The following ORC2 variants were observed in gnomAD, a reference collection of about 807,000 sequenced individuals.
The protein encoded by ORC2 is origin recognition complex subunit 2.
ORC2 carries 37 observed loss-of-function variants against 77.7 expected under a neutral mutation model. The ratio of observed to expected loss-of-function variants is 0.48; its 90% confidence interval spans 0.37 to 0.63. ORC2 has a LOEUF of 0.63. ORC2 is among the 20% of genes least tolerant of loss of function. The pLI is 0.00. For synonymous variants in ORC2, 201 were observed against 229.5 expected (o/e 0.88, Z 1.12); for missense variants, 557 against 661.9 (o/e 0.84, Z 1.74).
Position 200,921,098 on chromosome 2 carries a change from T to G in ORC2, c.1189A>C (p.Ser397Arg), listed in dbSNP as rs2040750759. 1 of 1,607,608 alleles carries G rather than the reference T, an allele frequency of 6.2e-7. No individual in the cohort carries two copies. Among genetic ancestry groups the G allele is most frequent in the South Asian group, 1.1e-5 (1 of 90,088 alleles). Residue 397 changes from serine (S) to arginine (R), a missense_variant, in exon 14 of 18, where the codon AGC becomes CGC. By Grantham distance (110) the Ser-to-Arg change is moderately radical (BLOSUM62 -1). Coordinates refer to ENST00000234296, the MANE Select transcript of ORC2 (RefSeq NM_006190.5). ...ELFLLIHNLD[S>R]QMLRGEKSQQ... Reference sequence around the variant, plus strand: ...CTCTTCTCTCCTCTCAACATCTGGCTATCCAAATTGTGGATGAGAAGGAAG... The same window carrying G: ...CTCTTCTCTCCTCTCAACATCTGGCGATCCAAATTGTGGATGAGAAGGAAG...
chr2:200,919,384 G>C (rs2040717373), intron 15 of ORC2, among the ~76,000 whole-genome samples: 1 of 152,080 alleles, frequency 6.6e-6, no homozygotes, highest in Admixed American at 6.6e-5. Context: ...TTTTGAGACA[G>C]AGATTGCTCT....
intron 5 of ORC2, among the ~76,000 whole-genome samples, chr2:200,947,063 C>T (rs1033887285): frequency 7.2e-5 from 11 of 152,086 alleles, no homozygotes; most frequent in Admixed American, 6.5e-4. Flanking sequence ...CCACCACACC[C>T]AGCTAATTTT....
intron 15 of ORC2, among the ~76,000 whole-genome samples, chr2:200,919,661 T>A (rs929418683): frequency 6.6e-6 from 1 of 152,244 alleles, no homozygotes; most frequent in Non-Finnish European, 1.5e-5. Context: ...GTCCGGCTAA[T>A]TATGCAATTT....
intron 14 of ORC2, 91 bp from the exon 15 acceptor site, chr2:200,920,484 T>G (rs569552569): frequency 1.9e-6 from 2 of 1,062,564 alleles, no homozygotes; most frequent in African/African-American, 3.2e-5. Flanking sequence ...GAGAAAGGAT[T>G]AAATAAAAAT....
rs775261860 is a variant in ORC2 at position 200,921,082 on chromosome 2, C to A, written c.1205G>T (p.Gly402Val). The part of the protein sequence containing the change: ...IHNLDSQMLR[G>V]EKSQQIIGQL... The stretch of plus-strand genomic sequence containing the variant: ...ACCAATGATTTGCTGGCTCTTCTCT[C>A]CTCTCAACATCTGGCTATCCAAATT... The change falls in exon 14 of 18, where the codon GGA becomes GTA. Residue 402 changes from glycine to valine, a missense_variant. Transcript: ENST00000234296. The A allele has an allele frequency of 1.1e-5, 17 of 1,609,684 alleles. No homozygotes were observed. The South Asian group carries it at 1.7e-4, about 16-fold the overall frequency.
rs1575153888 is a variant in ORC2 at position 200,920,095 on chromosome 2, A to G, written c.1466+127T>C. 1.1e-4 allele frequency: 69 copies of G among 629,706 alleles called. 1 individual carries two copies. The East Asian group carries it at 1.9e-3, about 17-fold the overall frequency. 39.0% of individuals were successfully genotyped at this position (629,706 alleles called of 1,614,324 possible). A position where few individuals can be genotyped will look rare whatever the true frequency, so the allele number is the denominator to read the frequency against. The stretch of plus-strand genomic sequence containing the variant: ...CCTACTCCATAATCCAGTACTGGTA[A>G]CTATTATTACTATAATTTCACTTAA... On this transcript the variant is annotated intron_variant, in intron 15 of 17. Coordinates refer to ENST00000234296, the MANE Select transcript of ORC2 (RefSeq NM_006190.5).
At chr2:200,951,516 T>C (rs75490883) in intron 4 of ORC2, among the ~76,000 whole-genome samples, 8,275 of 152,294 alleles carry the variant, frequency 0.054, 512 homozygotes, top group African/African-American at 0.15. Context: ...CACATCCTAA[T>C]CAGTATTTGG....
At position 200,910,806 on chromosome 2, in the gene ORC2, G is replaced by T. The variant is rs2040537990; in HGVS notation, c.*495C>A. On this transcript the variant is annotated 3_prime_UTR_variant, in exon 18 of 18. Coordinates refer to ENST00000234296, the MANE Select transcript of ORC2 (RefSeq NM_006190.5). Reference sequence around the variant, plus strand: ...AATCTACACCTTTTAAGTTGTTTTAGAAACAATAAGAGATGACCTGCCCTC... The same window carrying T: ...AATCTACACCTTTTAAGTTGTTTTATAAACAATAAGAGATGACCTGCCCTC... 6.5e-6 allele frequency: 1 copy of T among 153,170 alleles called. No individual in the cohort carries two copies. The highest frequency in any genetic ancestry group is 2.4e-5 in the African/African-American group (1 of 41,404). 9.5% of individuals were successfully genotyped at this position (153,170 alleles called of 1,614,324 possible).
intron 13 of ORC2, among the ~76,000 whole-genome samples, chr2:200,924,354 A>T (rs2040808843): frequency 6.6e-6 from 1 of 152,112 alleles, no homozygotes; most frequent in African/African-American, 2.4e-5. Context: ...TAAAAAAAAA[A>T]AGTATACGGT....
intron 4 of ORC2, among the ~76,000 whole-genome samples, chr2:200,951,970 TA>T (rs890327913): frequency 6.6e-6 from 1 of 152,128 alleles, no homozygotes; most frequent in African/African-American, 2.4e-5. Flanking sequence ...TATTTTTGTC[TA>T]AAAGCATTTA....
chr2:200,928,797 G>C (rs1330352683), intron 11 of ORC2, among the ~76,000 whole-genome samples: 2 of 149,644 alleles, frequency 1.3e-5, no homozygotes, highest in Non-Finnish European at 3.0e-5. Flanking sequence ...CTGGGCAACA[G>C]AGCAAGACTC....
At chr2:200,957,301 T>C (rs2041485055) in intron 4 of ORC2, 100 bp downstream of exon 4, 3 of 773,912 alleles carry the variant, frequency 3.9e-6, no homozygotes, top group Non-Finnish European at 5.8e-6. Context: ...CATGATCATA[T>C]AGAACACCAC....
Position 200,958,629 on chromosome 2 carries a change from C to T in ORC2, c.-10-496G>A, listed in dbSNP as rs1044802175. ...GTGTCCTAAGCCTGGATCAAAAAAC[C>T]CTCAAGCACCTCCCTTTACTTTTAT... On this transcript the variant is annotated intron_variant, in intron 2 of 17. Transcript: ENST00000234296. Among the ~76,000 whole-genome samples, 3 of 152,278 alleles carry T rather than the reference C, an allele frequency of 2.0e-5. No homozygotes were observed. The South Asian group carries it at 6.2e-4, about 32-fold the overall frequency.
chr2:200,912,246 ATCT>A (rs2040562500), intron 17 of ORC2, among the ~76,000 whole-genome samples: 1 of 152,138 alleles, frequency 6.6e-6, no homozygotes, highest in African/African-American at 2.4e-5. Context: ...AAGAATCATA[ATCT>A]TCTCTCTCCA....
At chr2:200,925,815 C>T (rs376753541) in intron 13 of ORC2, 21 bp downstream of exon 13, 27 of 1,135,162 alleles carry the variant, frequency 2.4e-5, no homozygotes, top group Non-Finnish European at 3.3e-5. Context: ...CTAAAACTAC[C>T]GAGCATCTAC....
chr2:200,928,825 C>A (rs1355149995), intron 11 of ORC2, among the ~76,000 whole-genome samples: 9 of 148,562 alleles, frequency 6.1e-5, no homozygotes, highest in Non-Finnish European at 1.0e-4. Flanking sequence ...AAAAAAAAAA[C>A]AACAAAAAAA....
In ORC2 at chr2:200,913,426, A is replaced by G. The variant is rs1048832542; in HGVS notation, c.1529-13T>C. Reference sequence around the variant, plus strand: ...TGAAAAGAAAGGCCTGGCAAGTTCAAAAGGATATGAACATAAGTCAGCACT... The same window carrying G: ...TGAAAAGAAAGGCCTGGCAAGTTCAGAAGGATATGAACATAAGTCAGCACT... On this transcript the variant is annotated splice_polypyrimidine_tract_variant and intron_variant, in intron 16 of 17. Coordinates refer to ENST00000234296, the MANE Select transcript of ORC2 (RefSeq NM_006190.5). 6.3e-7 allele frequency: 1 copy of G among 1,574,872 alleles called. No individual in the cohort carries two copies. Among genetic ancestry groups the G allele is most frequent in the Non-Finnish European group, 8.7e-7 (1 of 1,155,784 alleles).
At chr2:200,918,432 C>CA (rs150315485) in intron 15 of ORC2, among the ~76,000 whole-genome samples, 6,524 of 150,918 alleles carry the variant, frequency 0.043, 469 homozygotes, top group African/African-American at 0.15. Context: ...TCTTTAAAAA[C>CA]AAAAAAGAAA....
Position 200,938,020 on chromosome 2 carries a change from CTGAG to C in ORC2, c.454-58_454-55del, listed in dbSNP as rs540965411. On this transcript the variant is annotated intron_variant, in intron 7 of 17. Transcript: ENST00000234296. ...AATAACATGGAAATTAATGACTGAT[CTGAG>C]TGAAAGAGGCTAGAAAAAAAGAAAA... 515 of 1,297,604 alleles carry C rather than the reference CTGAG, an allele frequency of 4.0e-4. 2 individuals carry two copies. Among genetic ancestry groups the C allele is most frequent in the Middle Eastern group, 2.8e-3 (14 of 5,084 alleles). The allele number at this position is 1,297,604 out of a possible 1,614,324, so 80.4% of individuals were successfully genotyped here.
Sources: allele counts gnomAD v4.1 joint callset (sites outside exome capture counted in the v4.1 genomes callset), GRCh38; gene constraint gnomAD v4.1.1; transcripts MANE v1.5; gene names NCBI Gene and HGNC (gene_info 2026-07-23, HGNC 2026-07-21).